The following CAMKK1 variants were observed in gnomAD, a reference collection of about 807,000 sequenced individuals.
CAMKK1 encodes calcium/calmodulin-dependent protein kinase kinase 1.
CAMKK1 carries 20 observed loss-of-function variants against 63.5 expected under a neutral mutation model. The observed-to-expected ratio is 0.32, with a 90% confidence interval of 0.22 to 0.46. The LOEUF (loss-of-function observed/expected upper bound fraction) is 0.46, where lower values mean the gene tolerates loss of function less well. CAMKK1 is among the 20% of genes least tolerant of loss of function. CAMKK1 has a pLI of 1.00. For synonymous variants in CAMKK1, 253 were observed against 269.0 expected (o/e 0.94, Z 0.58); for missense variants, 588 against 658.1 (o/e 0.89, Z 1.17).
At position 3,862,206 on chromosome 17, in the gene CAMKK1, G is replaced by T. The variant is rs766129353; in HGVS notation, c.*5C>A. The T allele has an allele frequency of 1.3e-6, 2 of 1,580,338 alleles. No homozygotes were observed. The highest frequency in any genetic ancestry group is 8.6e-7 in the Non-Finnish European group (1 of 1,162,700). On this transcript the variant is annotated 3_prime_UTR_variant, in exon 16 of 16. Coordinates refer to ENST00000348335, the MANE Select transcript of CAMKK1 (RefSeq NM_032294.3). The surrounding 1 kb of genome is among the most constrained non-coding windows in gnomAD (Gnocchi z 4.1). ...TGCCGGGTGGCCCTGGGTGCATGCA[G>T]GGGCTCAGGATGCAGCCTCGTCTTC...
intron 9 of CAMKK1, among the ~76,000 whole-genome samples, chr17:3,877,194 G>A (rs375019134): frequency 6.7e-6 from 1 of 150,002 alleles, no homozygotes; most frequent in Non-Finnish European, 1.5e-5. Context: ...CTGGGACTGA[G>A]AGTAAGATTG....
rs2055715412 is a variant in CAMKK1 at position 3,887,713 on chromosome 17, T to C, written c.-43-1983A>G. On this transcript the variant is annotated intron_variant, in intron 1 of 15. Transcript: ENST00000348335. The surrounding 1 kb of genome is among the most constrained non-coding windows in gnomAD (Gnocchi z 6.1). ...CCAGAGGAGGTGAGAGGCTGTGGCA[T>C]AGGGAGGCCTCCCTGGAGGAGGTGA... Among the ~76,000 whole-genome samples, 1 of 137,022 alleles carries C rather than the reference T, an allele frequency of 7.3e-6. No individual in the cohort carries two copies. The highest frequency in any genetic ancestry group is 2.8e-5 in the African/African-American group (1 of 35,842). The allele number at this position is 137,022 out of a possible 152,430, so 89.9% of individuals were successfully genotyped here. A position where few individuals can be genotyped will look rare whatever the true frequency, so the allele number is the denominator to read the frequency against.
intron 1 of CAMKK1, among the ~76,000 whole-genome samples, chr17:3,888,055 C>T (rs1316982251): frequency 6.6e-6 from 1 of 152,178 alleles, no homozygotes; most frequent in South Asian, 2.1e-4. Flanking sequence ...CCCCATTAGA[C>T]AGATGAGAAA....
chr17:3,867,982 T>TCTAACTGATACATGGGCTCTGGGGGAGAA (rs1567612597), intron 14 of CAMKK1, among the ~76,000 whole-genome samples: 1 of 82,582 alleles, frequency 1.2e-5, no homozygotes, highest in African/African-American at 5.9e-5. Context: ...CTGGGGGAGA[T>TCTAACTGATACATGGGCTCTGGGGGAGAA]GCAGGCACCG....
rs2055718516 is a variant in CAMKK1 at position 3,887,755 on chromosome 17, G to A, written c.-43-2025C>T. 1.3e-5 allele frequency among the ~76,000 whole-genome samples: 2 copies of A among 152,114 alleles called. No individual in the cohort carries two copies. Among genetic ancestry groups the A allele is most frequent in the Non-Finnish European group, 2.9e-5 (2 of 67,994 alleles). Reference sequence around the variant, plus strand: ...AGGAGGTGAGAGGGACAGTGAGTGGGGCTGGAGCTTCGGGGAGAGCTTGGA... The same window carrying A: ...AGGAGGTGAGAGGGACAGTGAGTGGAGCTGGAGCTTCGGGGAGAGCTTGGA... On this transcript the variant is annotated intron_variant, in intron 1 of 15. Transcript: ENST00000348335. The surrounding 1 kb of genome is among the most constrained non-coding windows in gnomAD (Gnocchi z 6.1).
chr17:3,869,403 T>TC (rs1380210756), intron 14 of CAMKK1, 84 bp downstream of exon 14: 9 of 1,562,140 alleles, frequency 5.8e-6, no homozygotes, highest in Non-Finnish European at 7.8e-6. Flanking sequence ...CAGGCCTCTG[T>TC]CCCCCCAAGG....
rs367952849 is a variant in CAMKK1, at chr17:3,869,903, G to C, written c.1125-15C>G. 4.2e-5 allele frequency: 68 copies of C among 1,609,738 alleles called. No homozygotes were observed. Among genetic ancestry groups the C allele is most frequent in the Non-Finnish European group, 5.4e-5 (64 of 1,176,068 alleles). ...TGATTTCTGGCCTGGAGAGGGCGAA[G>C]GAAGGAGAGGAGGGTGGGACCGCTG... is the stretch of plus-strand genomic sequence containing the variant. On this transcript the variant is annotated splice_polypyrimidine_tract_variant and intron_variant, in intron 12 of 15. Coordinates refer to ENST00000348335, the MANE Select transcript of CAMKK1 (RefSeq NM_032294.3).
intron 8 of CAMKK1, among the ~76,000 whole-genome samples, 167 bp downstream of exon 8, chr17:3,881,460 T>A (rs980177497): frequency 2.0e-5 from 3 of 152,154 alleles, no homozygotes; most frequent in African/African-American, 4.8e-5. Context: ...CTGACCCCCA[T>A]CAGCCTTCAA....
chr17:3,871,333 G>GTTTTTTTTTTTTTTTTTTTTTT (rs71155812), intron 12 of CAMKK1, among the ~76,000 whole-genome samples: 2 of 111,004 alleles, frequency 1.8e-5, no homozygotes, highest in Non-Finnish European at 3.7e-5. Flanking sequence ...GTTGTTTTTT[G>GTTTTTTTTTTTTTTTTTTTTTT]TTTTTTTTTT....
At chr17:3,888,555 T>A (rs2055757975) in intron 1 of CAMKK1, among the ~76,000 whole-genome samples, 1 of 152,158 alleles carries the variant, frequency 6.6e-6, no homozygotes. Context: ...GGTGAGATGC[T>A]GAGGAGGGAA....
chr17:3,871,732 G>A (rs144886028), intron 12 of CAMKK1, among the ~76,000 whole-genome samples: 14 of 147,004 alleles, frequency 9.5e-5, no homozygotes, highest in African/African-American at 3.3e-4. Flanking sequence ...TGCAACCTCT[G>A]CCTCCTGGGT....
intron 10 of CAMKK1, among the ~76,000 whole-genome samples, chr17:3,875,100 C>A (rs967556808): frequency 6.6e-6 from 1 of 151,584 alleles, no homozygotes; most frequent in Non-Finnish European, 1.5e-5. Context: ...CCAGCCTGGG[C>A]GACAGAGCGA....
chr17:3,865,848 T>C, intron 15 of CAMKK1, 60 bp downstream of exon 15: 1 of 1,605,702 alleles, frequency 6.2e-7, no homozygotes, highest in Non-Finnish European at 8.5e-7. Flanking sequence ...AGGATGGGCC[T>C]CAGACCTCCC....
chr17:3,873,218 C>T (rs923027537), intron 11 of CAMKK1, among the ~76,000 whole-genome samples, 191 bp downstream of exon 11: 2 of 152,332 alleles, frequency 1.3e-5, no homozygotes, highest in African/African-American at 2.4e-5. Flanking sequence ...TGCTGTCCTG[C>T]GACTCCTTCG....
At position 3,876,367 on chromosome 17, in the gene CAMKK1, C is replaced by T; in HGVS notation, c.852G>A (p.Gly284=). ...CGGCGATCTTCACGTGCCCATCATC[C>T]CCCAGGAGCAGGTTGGATGGCTTGA... The part of the protein sequence containing the change: ...RDIKPSNLLL[G]DDGHVKIADF... Residue 284 remains glycine, a synonymous_variant, in exon 10 of 16, where the codon GGG becomes GGA. Transcript: ENST00000348335. 1 of 1,614,232 alleles carries T rather than the reference C, an allele frequency of 6.2e-7. No homozygotes were observed. The highest frequency in any genetic ancestry group is 1.1e-5 in the South Asian group (1 of 91,092).
Position 3,872,508 on chromosome 17 carries a change from C to T in CAMKK1, c.1124+46G>A, listed in dbSNP as rs1280495478. ...AAAAGCTCTGCTAAAACTCAGACACCAGGAGCGGGTGGTAGCCCCCTTGTT... is the reference window on the plus strand; with the variant it reads ...AAAAGCTCTGCTAAAACTCAGACACTAGGAGCGGGTGGTAGCCCCCTTGTT... On this transcript the variant is annotated intron_variant, in intron 12 of 15. Transcript: ENST00000348335. The T allele has an allele frequency of 3.3e-6, 5 of 1,526,652 alleles. No homozygotes were observed. The African/African-American group carries it at 6.8e-5, about 21-fold the overall frequency. The allele number at this position is 1,526,652 out of a possible 1,614,324, so 94.6% of individuals were successfully genotyped here.
intron 9 of CAMKK1, among the ~76,000 whole-genome samples, chr17:3,877,286 C>A (rs2055209739): frequency 6.6e-6 from 1 of 152,106 alleles, no homozygotes; most frequent in Admixed American, 6.6e-5. Context: ...TGGATGGCAC[C>A]CCAGGCCTTG....
chr17:3,870,400 C>G (rs946018966), intron 12 of CAMKK1, among the ~76,000 whole-genome samples: 2 of 151,646 alleles, frequency 1.3e-5, no homozygotes, highest in Non-Finnish European at 2.9e-5. Flanking sequence ...GAGTCTCGCT[C>G]TGTGGCCCAG....
Position 3,876,369 on chromosome 17 carries a change from C to A in CAMKK1, c.850G>T (p.Gly284Trp). The change falls in exon 10 of 16, where the codon GGG (glycine) becomes TGG (tryptophan). Residue 284 changes from glycine (G) to tryptophan (W), a missense_variant. Physicochemically the swap from Gly to Trp is radical, Grantham distance 184 (BLOSUM62 -2). This residue lies in a region of CAMKK1 where 357 missense variants were observed against 407.4 expected (regional missense o/e 0.88). Transcript: ENST00000348335. Reference sequence around the variant, plus strand: ...GCGATCTTCACGTGCCCATCATCCCCCAGGAGCAGGTTGGATGGCTTGATG... The same window carrying A: ...GCGATCTTCACGTGCCCATCATCCCACAGGAGCAGGTTGGATGGCTTGATG... The part of the protein sequence containing the change: ...RDIKPSNLLL[G>W]DDGHVKIADF... 6.2e-7 allele frequency: 1 copy of A among 1,614,218 alleles called. No individual in the cohort carries two copies. The highest frequency in any genetic ancestry group is 8.5e-7 in the Non-Finnish European group (1 of 1,180,036).
Sources: gnomAD v4.1 joint callset for allele counts (sites outside exome capture counted in the v4.1 genomes callset) on GRCh38, gnomAD v4.1.1 for gene constraint, gnomAD v4.1.1 regional missense constraint, Gnocchi (gnomAD v3.1) non-coding constraint, MANE v1.5 for transcripts, NCBI Gene and HGNC (gene_info 2026-07-23, HGNC 2026-07-21) for gene names.